GPR137C: variants seen among roughly 807,000 people sequenced by gnomAD.
The protein encoded by GPR137C is G protein-coupled receptor 137C.
A neutral mutation model predicts 43.4 loss-of-function variants in GPR137C; 27 were observed. The observed-to-expected ratio is 0.62, with a 90% CI of 0.46 to 0.86. The LOEUF (loss-of-function observed/expected upper bound fraction) is 0.86. Ranked by LOEUF, GPR137C falls within the 40% of genes least tolerant of loss-of-function variation. The pLI is 0.00. For missense variants in GPR137C, 522 were observed against 534.6 expected (o/e 0.98, Z 0.23); for synonymous variants, 285 against 226.9 (o/e 1.26, Z -2.30).
chr14:52,610,826 A>G (rs2039031256), intron 3 of GPR137C, among the ~76,000 whole-genome samples: 1 of 152,218 alleles, frequency 6.6e-6, no homozygotes, highest in African/African-American at 2.4e-5. Flanking sequence ...AAACATGCCC[A>G]AGTTCACATA....
At chr14:52,607,855 G>A (rs1594800897) in intron 3 of GPR137C, among the ~76,000 whole-genome samples, 1 of 151,484 alleles carries the variant, frequency 6.6e-6, no homozygotes, top group Non-Finnish European at 1.5e-5. Flanking sequence ...AGCCTGGGCA[G>A]CAGAGCGAGA....
intron 3 of GPR137C, among the ~76,000 whole-genome samples, chr14:52,630,668 G>C (rs1472907248): frequency 6.6e-6 from 1 of 152,008 alleles, no homozygotes; most frequent in Non-Finnish European, 1.5e-5. Context: ...TTGTTCTGAG[G>C]AAGTCAGTTA....
In GPR137C at chr14:52,595,405, A is replaced by C. The variant is rs551759072; in HGVS notation, c.445-2867A>C. ...GGAAGTTCTCCTGGATAATATCCTGAAGAGTGTTTTCTAACTTGGTTCCAT... is the reference window on the plus strand; with the variant it reads ...GGAAGTTCTCCTGGATAATATCCTGCAGAGTGTTTTCTAACTTGGTTCCAT... On this transcript the variant is annotated intron_variant, in intron 1 of 6. Transcript: ENST00000321662. 7.9e-5 allele frequency among the ~76,000 whole-genome samples: 12 copies of C among 152,264 alleles called. No individual in the cohort carries two copies. In the East Asian group the frequency reaches 1.2e-3, roughly 15 times the overall value.
chr14:52,611,761 C>A, intron 3 of GPR137C: 1 of 367,830 alleles, frequency 2.7e-6, no homozygotes, highest in Non-Finnish European at 3.8e-6. Flanking sequence ...TGCCATTTAT[C>A]AGCTCTATGA....
At chr14:52,594,395 C>T (rs2038824149) in intron 1 of GPR137C, among the ~76,000 whole-genome samples, 1 of 152,138 alleles carries the variant, frequency 6.6e-6, no homozygotes, top group African/African-American at 2.4e-5. Context: ...CCTTCTGTCT[C>T]GTTGATCTGG....
intron 3 of GPR137C, among the ~76,000 whole-genome samples, chr14:52,625,817 G>A (rs1046301184): frequency 6.6e-5 from 10 of 151,884 alleles, no homozygotes; most frequent in Non-Finnish European, 1.5e-4. Context: ...GCCTCCCAAA[G>A]TGCTGGAATT....
chr14:52,597,458 T>C (rs2038870090), intron 1 of GPR137C, among the ~76,000 whole-genome samples: 1 of 152,210 alleles, frequency 6.6e-6, no homozygotes, highest in Admixed American at 6.5e-5. Context: ...CTTCTTTCTT[T>C]CCAGGTCCCC....
chr14:52,557,153 C>A (rs932535676), intron 1 of GPR137C, among the ~76,000 whole-genome samples: 3 of 152,024 alleles, frequency 2.0e-5, no homozygotes, highest in Non-Finnish European at 2.9e-5. Context: ...AATAGAAATT[C>A]CTTGAGGATA....
chr14:52,589,354 C>G (rs560242136), intron 1 of GPR137C, among the ~76,000 whole-genome samples: 2 of 152,168 alleles, frequency 1.3e-5, no homozygotes, highest in East Asian at 3.9e-4. Context: ...GCCACTGAAC[C>G]ATACACTAAA....
At chr14:52,569,181 AC>A (rs996450764) in intron 1 of GPR137C, among the ~76,000 whole-genome samples, 7 of 152,212 alleles carry the variant, frequency 4.6e-5, no homozygotes, top group African/African-American at 1.7e-4. Context: ...CCTCCAGCAG[AC>A]CTGCACCGGA....
rs2039368669 is a variant in GPR137C at position 52,637,687 on chromosome 14, T to C, written c.*2572T>C. 1 of 152,124 alleles carries C rather than the reference T, an allele frequency of 6.6e-6. No homozygotes were observed. Among genetic ancestry groups the C allele is most frequent in the Non-Finnish European group, 1.5e-5 (1 of 68,004 alleles). The allele number at this position is 152,124 out of a possible 1,614,324, so 9.4% of individuals were successfully genotyped here. On this transcript the variant is annotated 3_prime_UTR_variant, in exon 7 of 7. Transcript: ENST00000321662. ...ACTAAATTGTAACAAAACACTACTA[T>C]TAAAAATAAAAGTGTTTGTGCTTTT...
chr14:52,587,569 G>A (rs1412204484), intron 1 of GPR137C, among the ~76,000 whole-genome samples: 1 of 152,160 alleles, frequency 6.6e-6, no homozygotes, highest in Non-Finnish European at 1.5e-5. Context: ...TCAGGAGCTC[G>A]AGACCAGCCT....
chr14:52,629,310 T>A (rs1298677815), intron 3 of GPR137C, among the ~76,000 whole-genome samples: 1 of 152,196 alleles, frequency 6.6e-6, no homozygotes, highest in African/African-American at 2.4e-5. Context: ...ACAAAACTAT[T>A]TGTACAAGAA....
At chr14:52,568,688 C>T (rs1401411158) in intron 1 of GPR137C, among the ~76,000 whole-genome samples, 1 of 152,242 alleles carries the variant, frequency 6.6e-6, no homozygotes, top group Non-Finnish European at 1.5e-5. Context: ...GAAGTTAGAA[C>T]TGGGCGGAGC....
chr14:52,577,631 CAG>C (rs1478682689), intron 1 of GPR137C, among the ~76,000 whole-genome samples: 8 of 151,684 alleles, frequency 5.3e-5, no homozygotes, highest in African/African-American at 1.2e-4. Context: ...TAAGAACAAT[CAG>C]AAACTATAAA....
At chr14:52,566,795 G>C (rs1465093953) in intron 1 of GPR137C, among the ~76,000 whole-genome samples, 1 of 152,192 alleles carries the variant, frequency 6.6e-6, no homozygotes, top group Non-Finnish European at 1.5e-5. Flanking sequence ...TTGTAAACTG[G>C]ATGTTATAGG....
At chr14:52,612,564 C>G in intron 3 of GPR137C, 1 of 963,332 alleles carries the variant, frequency 1.0e-6, no homozygotes. Context: ...ATTTGCATTA[C>G]TTTTTTTTCT....
rs948192716 is a variant in GPR137C at position 52,552,897 on chromosome 14, G to GTT, written c.-246_-245dup. ...AGCTGATTGTCTCCAGCCGAGAGTT[G>GTT]TTTTTTGCAGCTACGGAGCCGAGCC... is the stretch of plus-strand genomic sequence containing the variant. On this transcript the variant is annotated 5_prime_UTR_variant, in exon 1 of 7. Coordinates refer to ENST00000321662, the MANE Select transcript of GPR137C (RefSeq NM_001099652.2). 2.6e-5 allele frequency among the ~76,000 whole-genome samples: 4 copies of GTT among 151,890 alleles called. No homozygotes were observed. The highest frequency in any genetic ancestry group is 5.9e-5 in the Non-Finnish European group (4 of 67,906).
intron 1 of GPR137C, among the ~76,000 whole-genome samples, chr14:52,566,151 G>T (rs753721422): frequency 2.0e-5 from 3 of 152,078 alleles, no homozygotes; most frequent in African/African-American, 7.2e-5. Context: ...TAGGACCCAG[G>T]GATCATCATC....
Sources: gnomAD v4.1 joint callset for allele counts (sites outside exome capture counted in the v4.1 genomes callset) on GRCh38, gnomAD v4.1.1 for gene constraint, MANE v1.5 for transcripts, NCBI Gene and HGNC (gene_info 2026-07-23, HGNC 2026-07-21) for gene names.